The following TTC28 variants were observed in gnomAD, a reference collection of about 807,000 sequenced individuals.
TTC28 encodes tetratricopeptide repeat domain 28, also known as tetratricopeptide repeat protein 28.
In TTC28, 61 loss-of-function variants were observed where a neutral mutation model predicts 198.0. The observed-to-expected ratio is 0.31, with a 90% CI of 0.25 to 0.38. The LOEUF is 0.38. TTC28 is among the 10% of genes least tolerant of loss of function. The pLI is 1.00. For synonymous variants in TTC28, 1,171 were observed against 1,297.8 expected (o/e 0.90, Z 2.10); for missense variants, 2,678 against 3,164.0 (o/e 0.85, Z 3.69).
intron 12 of TTC28, among the ~76,000 whole-genome samples, chr22:28,074,650 C>T (rs180809562): frequency 6.6e-6 from 1 of 152,308 alleles, no homozygotes; most frequent in East Asian, 1.9e-4. Context: ...AATTCCAAGC[C>T]CTCACGCTTG....
At chr22:28,491,152 C>T (rs570262823) in intron 2 of TTC28, among the ~76,000 whole-genome samples, 2 of 152,282 alleles carry the variant, frequency 1.3e-5, no homozygotes, top group South Asian at 4.1e-4. Context: ...CCTCTTCTTA[C>T]CGAAGTTAGG....
chr22:27,992,998 T>C (rs1247302995), intron 18 of TTC28: 2 of 565,376 alleles, frequency 3.5e-6, no homozygotes, highest in African/African-American at 3.8e-5. Context: ...CTGATGACAA[T>C]GGCAGTAGTG....
At chr22:28,344,570 A>G (rs970497512) in intron 2 of TTC28, among the ~76,000 whole-genome samples, 1 of 152,176 alleles carries the variant, frequency 6.6e-6, no homozygotes, top group Non-Finnish European at 1.5e-5. Context: ...GATTGTTATT[A>G]AATAATTATA....
At chr22:28,145,818 A>T (rs1943456129) in intron 6 of TTC28, among the ~76,000 whole-genome samples, 1 of 152,220 alleles carries the variant, frequency 6.6e-6, no homozygotes, top group African/African-American at 2.4e-5. Context: ...TGATTACAAC[A>T]GTTTTGAGTG....
At chr22:28,297,535 T>G in intron 4 of TTC28, 45 bp downstream of exon 4, 1 of 1,528,802 alleles carries the variant, frequency 6.5e-7, no homozygotes, top group Non-Finnish European at 8.8e-7. Context: ...TTACTCAGCT[T>G]TCTTTGTTCC....
rs1318284328 is a variant in TTC28 at position 27,983,484 on chromosome 22, G to A, written c.6183C>T (p.Ile2061=). Residue 2061 remains isoleucine (I), a synonymous_variant, in exon 23 of 23, where the codon ATC becomes ATT. Coordinates refer to ENST00000397906, the MANE Select transcript of TTC28 (RefSeq NM_001145418.2). ...AGGTCGCCAAGGGCTCGTTACTGATGATAGAAAACCCTTCATATTCTTCTT... is the reference window on the plus strand; with the variant it reads ...AGGTCGCCAAGGGCTCGTTACTGATAATAGAAAACCCTTCATATTCTTCTT... ...KDEEEYEGFS[I]ISNEPLATYQ... The A allele has an allele frequency of 1.9e-6, 3 of 1,546,784 alleles. No individual in the cohort carries two copies. The African/African-American group carries it at 4.1e-5, about 21-fold the overall frequency.
At chr22:28,582,509 A>C (rs1400737854) in intron 2 of TTC28, among the ~76,000 whole-genome samples, 3 of 152,208 alleles carry the variant, frequency 2.0e-5, no homozygotes, top group African/African-American at 7.2e-5. Context: ...TAATATCAAA[A>C]TAGTAAATAT....
intron 2 of TTC28, among the ~76,000 whole-genome samples, chr22:28,390,562 C>T (rs373867072): frequency 4.6e-5 from 7 of 152,144 alleles, no homozygotes; most frequent in South Asian, 2.1e-4. Flanking sequence ...GATAGTTAGC[C>T]CTTCTTGTTG....
At chr22:28,605,388 A>T (rs1042711799) in intron 2 of TTC28, among the ~76,000 whole-genome samples, 4 of 152,234 alleles carry the variant, frequency 2.6e-5, no homozygotes, top group Admixed American at 6.5e-5. Flanking sequence ...CCTAATAGAA[A>T]AGTTACCAAT....
At chr22:28,167,360 G>C (rs1004684290) in intron 5 of TTC28, among the ~76,000 whole-genome samples, 14 of 152,150 alleles carry the variant, frequency 9.2e-5, no homozygotes, top group Non-Finnish European at 1.8e-4. Flanking sequence ...GCCTGGCAGA[G>C]ATACAACAAA....
rs1343662763 is a variant in TTC28 at position 27,981,263 on chromosome 22, TTTTTGC to T, written c.*952_*957del. The T allele has an allele frequency of 3.0e-5, 4 of 132,418 alleles. No homozygotes were observed. Among genetic ancestry groups the T allele is most frequent in the African/African-American group, 1.1e-4 (4 of 34,814 alleles). The allele number at this position is 132,418 out of a possible 1,614,324, so 8.2% of individuals were successfully genotyped here. On this transcript the variant is annotated 3_prime_UTR_variant, in exon 23 of 23. Coordinates refer to ENST00000397906, the MANE Select transcript of TTC28 (RefSeq NM_001145418.2). ...TTTTTTTTTTTTTTTTTTTTTTTTT[TTTTTGC>T]TTATAAGGAAACGGAGTCATTTCAA...
intron 5 of TTC28, among the ~76,000 whole-genome samples, chr22:28,223,906 C>G (rs1358986247): frequency 2.0e-5 from 3 of 152,152 alleles, no homozygotes; most frequent in Non-Finnish European, 4.4e-5. Flanking sequence ...GGGAAAATCC[C>G]ACGAGACTGA....
chr22:28,013,759 C>T (rs1281809324), intron 14 of TTC28, among the ~76,000 whole-genome samples: 2 of 151,936 alleles, frequency 1.3e-5, no homozygotes, highest in Non-Finnish European at 2.9e-5. Flanking sequence ...ATCCCCGAGG[C>T]GTCTGCTAGG....
chr22:27,989,816 A>G (rs1937334494), intron 21 of TTC28, 62 bp downstream of exon 21: 2 of 1,517,592 alleles, frequency 1.3e-6, no homozygotes, highest in African/African-American at 1.4e-5. Flanking sequence ...AACCAGGAGG[A>G]AAAACAGAGA....
At chr22:28,376,637 C>T (rs920753346) in intron 2 of TTC28, among the ~76,000 whole-genome samples, 1 of 152,148 alleles carries the variant, frequency 6.6e-6, no homozygotes, top group Non-Finnish European at 1.5e-5. Context: ...TCTAAGTGCA[C>T]TGCCTAGAGA....
Position 28,629,658 on chromosome 22 carries a change from C to T in TTC28, c.275G>A (p.Cys92Tyr). The part of the protein sequence containing the change: ...NEALAVDPQN[C>Y]ILYSNRSAAY... ...TGCAGATCTATTGCTGTATAAGATG[C>T]AGTTCTGAGGGTCAACAGCCAGGGC... is the stretch of plus-strand genomic sequence containing the variant. The change falls in exon 2 of 23, where the codon TGC becomes TAC. Residue 92 changes from cysteine (C) to tyrosine (Y), a missense_variant. Transcript: ENST00000397906. 6.4e-7 allele frequency: 1 copy of T among 1,551,654 alleles called. No individual in the cohort carries two copies. The highest frequency in any genetic ancestry group is 8.7e-7 in the Non-Finnish European group (1 of 1,146,994).
chr22:28,651,015 T>C lies in TTC28; in HGVS notation c.103-21185A>G, dbSNP rs138846262. Reference sequence around the variant, plus strand: ...GCCATATCCATTCAGTTACCTGTTATCTATGGCTGTTTTGTGCTACAGTGG... The same window carrying C: ...GCCATATCCATTCAGTTACCTGTTACCTATGGCTGTTTTGTGCTACAGTGG... On this transcript the variant is annotated intron_variant, in intron 1 of 22. Transcript: ENST00000397906. Among the ~76,000 whole-genome samples the C allele has an allele frequency of 4.1e-4, 63 of 152,348 alleles. 1 individual carries two copies. Among genetic ancestry groups the C allele is most frequent in the African/African-American group, 1.4e-3 (59 of 41,584 alleles).
chr22:28,102,195 C>T (rs866151195), intron 8 of TTC28, among the ~76,000 whole-genome samples: 3 of 152,178 alleles, frequency 2.0e-5, no homozygotes, highest in Admixed American at 6.5e-5. Context: ...AAGATACATA[C>T]GATGTTCTCC....
chr22:28,518,299 T>G lies in TTC28; in HGVS notation c.381+111253A>C, dbSNP rs192288448. On this transcript the variant is annotated intron_variant, in intron 2 of 22. Coordinates refer to ENST00000397906, the MANE Select transcript of TTC28 (RefSeq NM_001145418.2). ...CAAATACCTATTCTCAAATCACAGA[T>G]GATAGACTTAAATTTTTGAAAATGA... Among the ~76,000 whole-genome samples the G allele has an allele frequency of 2.5e-3, 385 of 152,284 alleles. 5 individuals are homozygous for G. The highest frequency in any genetic ancestry group is 1.6e-3 in the Non-Finnish European group (106 of 68,010).
Sources: gnomAD v4.1 joint callset for allele counts (sites outside exome capture counted in the v4.1 genomes callset) on GRCh38, gnomAD v4.1.1 for gene constraint, MANE v1.5 for transcripts, NCBI Gene and HGNC (gene_info 2026-07-23, HGNC 2026-07-21) for gene names.